Variants in LRFN3 observed in about 807,000 individuals in gnomAD.
The protein encoded by LRFN3 is leucine-rich repeat and fibronectin type-III domain-containing protein 3.
A neutral mutation model predicts 23.8 loss-of-function variants in LRFN3; 8 were observed. The ratio of observed to expected loss-of-function variants is 0.34; its 90% CI spans 0.20 to 0.61. LRFN3 has a LOEUF of 0.61. LRFN3 is among the 20% of genes least tolerant of loss of function. The probability of loss-of-function intolerance (pLI) is 0.80; values close to 1 mark genes in which losing one functional copy is unlikely to be tolerated. For synonymous variants in LRFN3, 451 were observed against 450.6 expected, an observed-to-expected ratio of 1.00 and a Z score of -0.01; for missense variants, 736 against 935.3, an observed-to-expected ratio of 0.79 and a Z score of 2.78.
chr19:35,944,086 A>G lies in LRFN3; in HGVS notation c.1416-462A>G, dbSNP rs1976150146. ...ACACCTGTAGTTCCTGCTACTCAGG[A>G]GGCTGAGGCCGGAGGATGGCTTGAG... On this transcript the variant is annotated intron_variant, in intron 2 of 2. Transcript: ENST00000246529. This position sits in a 1 kb window ranked among gnomAD's most constrained non-coding sequence, Gnocchi z 4.5. Among the ~76,000 whole-genome samples the G allele has an allele frequency of 6.6e-6, 1 of 152,226 alleles. No individual in the cohort carries two copies. The highest frequency in any genetic ancestry group is 2.4e-5 in the African/African-American group (1 of 41,458).
At position 35,944,318 on chromosome 19, in the gene LRFN3, G is replaced by T. The variant is rs1269450987; in HGVS notation, c.1416-230G>T. ...CAGCAGGCTATGAGGACGTGTGAGA[G>T]GGTGGGCTAGAGTGAAATTGGCCAA... On this transcript the variant is annotated intron_variant, in intron 2 of 2. Transcript: ENST00000246529. The surrounding 1 kb of genome is among the most constrained non-coding windows in gnomAD (Gnocchi z 4.5). Among the ~76,000 whole-genome samples the T allele has an allele frequency of 6.6e-6, 1 of 152,220 alleles. No homozygotes were observed. The highest frequency in any genetic ancestry group is 1.5e-5 in the Non-Finnish European group (1 of 68,038).
chr19:35,938,328 CTT>C (rs1976079334), intron 1 of LRFN3, among the ~76,000 whole-genome samples: 1 of 151,754 alleles, frequency 6.6e-6, no homozygotes, highest in Non-Finnish European at 1.5e-5. Context: ...CTGGCCACCT[CTT>C]CTCTCTCTCT....
chr19:35,944,514 C>G lies in LRFN3; in HGVS notation c.1416-34C>G, dbSNP rs779442887. ...GAAGCACAGGTTGGGGGCTGGGCAG[C>G]CTGAGACCTGACCCCCACCTGCCTG... On this transcript the variant is annotated intron_variant, in intron 2 of 2. Transcript: ENST00000246529. The surrounding 1 kb of genome is among the most constrained non-coding windows in gnomAD (Gnocchi z 4.5). 7.2e-7 allele frequency: 1 copy of G among 1,383,456 alleles called. No individual in the cohort carries two copies. Among genetic ancestry groups the G allele is most frequent in the East Asian group, 2.8e-5 (1 of 35,494 alleles). The allele number at this position is 1,383,456 out of a possible 1,614,324, so 85.7% of individuals were successfully genotyped here.
Position 35,944,495 on chromosome 19 carries a change from C to T in LRFN3, c.1416-53C>T. ...CGCAGGGAGTTTGGTGGGGGAAGCA[C>T]AGGTTGGGGGCTGGGCAGCCTGAGA... On this transcript the variant is annotated intron_variant, in intron 2 of 2. Transcript: ENST00000246529. The surrounding 1 kb of genome is among the most constrained non-coding windows in gnomAD (Gnocchi z 4.5). The T allele has an allele frequency of 7.7e-7, 1 of 1,293,406 alleles. No individual in the cohort carries two copies. Among genetic ancestry groups the T allele is most frequent in the Non-Finnish European group, 1.0e-6 (1 of 992,594 alleles). The allele number at this position is 1,293,406 out of a possible 1,614,324, so 80.1% of individuals were successfully genotyped here. A position where few individuals can be genotyped will look rare whatever the true frequency, so the allele number is the denominator to read the frequency against.
At position 35,940,361 on chromosome 19, in the gene LRFN3, G is replaced by A. The variant is rs779185530; in HGVS notation, c.936G>A (p.Pro312=). 42 of 1,571,012 alleles carry A rather than the reference G, an allele frequency of 2.7e-5. No individual in the cohort carries two copies. The highest frequency in any genetic ancestry group is 7.0e-5 in the South Asian group (6 of 86,298). The stretch of plus-strand genomic sequence containing the variant: ...CTCTGGCTGTGCCCGCAGGTCGGCC[G>A]GCTGCCCTGCGCTGCCGGGCAGTGG... ...SPPLAVPAGR[P]AALRCRAVGD... Residue 312 remains proline (P), a synonymous_variant, in exon 2 of 3, where the codon CCG becomes CCA. Transcript: ENST00000246529.
chr19:35,938,675 C>T (rs909482562), intron 1 of LRFN3, among the ~76,000 whole-genome samples: 2 of 152,228 alleles, frequency 1.3e-5, no homozygotes, highest in Admixed American at 6.5e-5. Flanking sequence ...TCTCTGACCA[C>T]CTTGCTGGCT....
In LRFN3 at chr19:35,946,427, C is replaced by A. The variant is rs1213744535; in HGVS notation, c.*1408C>A. Among the ~76,000 whole-genome samples, 1 of 151,860 alleles carries A rather than the reference C, an allele frequency of 6.6e-6. No homozygotes were observed. The highest frequency in any genetic ancestry group is 1.5e-5 in the Non-Finnish European group (1 of 67,986). ...TCAAGTGATCCTCCCGTCTCAGCCT[C>A]CTGAATTGCTGGGATTACAGGCATG... On this transcript the variant is annotated 3_prime_UTR_variant, in exon 3 of 3. Coordinates refer to ENST00000246529, the MANE Select transcript of LRFN3 (RefSeq NM_024509.2).
At chr19:35,943,867 A>G (rs967092847) in intron 2 of LRFN3, among the ~76,000 whole-genome samples, 3 of 152,040 alleles carry the variant, frequency 2.0e-5, no homozygotes, top group African/African-American at 7.2e-5. Flanking sequence ...GGGCAGTGCA[A>G]AAGGGAAATT....
chr19:35,942,802 G>A (rs1224801291), intron 2 of LRFN3, among the ~76,000 whole-genome samples: 1 of 152,176 alleles, frequency 6.6e-6, no homozygotes, highest in Admixed American at 6.5e-5. Context: ...GGCCGAGGCA[G>A]GTGGATCACC....
chr19:35,939,504 C>T lies in LRFN3; in HGVS notation c.79C>T (p.Pro27Ser), dbSNP rs1027061018. 2.5e-6 allele frequency: 4 copies of T among 1,606,302 alleles called. No homozygotes were observed. The African/African-American group carries it at 5.3e-5, about 21-fold the overall frequency. The change falls in exon 2 of 3, where the codon CCA becomes TCA. Residue 27 changes from proline to serine, a missense_variant. By Grantham distance (74) the Pro-to-Ser change is moderately conservative (BLOSUM62 -1). Coordinates refer to ENST00000246529, the MANE Select transcript of LRFN3 (RefSeq NM_024509.2). This position sits in a 1 kb window ranked among gnomAD's most constrained non-coding sequence, Gnocchi z 6.4. ...SSPPQSATPS[P>S]CPRRCRCQTQ... The stretch of plus-strand genomic sequence containing the variant: ...CCCACCCCAGTCAGCCACACCCAGC[C>T]CATGTCCCCGCCGCTGCCGCTGCCA...
Position 35,944,319 on chromosome 19 carries a change from G to C in LRFN3, c.1416-229G>C, listed in dbSNP as rs1175263528. Among the ~76,000 whole-genome samples the C allele has an allele frequency of 6.6e-6, 1 of 152,194 alleles. No homozygotes were observed. The highest frequency in any genetic ancestry group is 1.5e-5 in the Non-Finnish European group (1 of 68,016). On this transcript the variant is annotated intron_variant, in intron 2 of 2. Coordinates refer to ENST00000246529, the MANE Select transcript of LRFN3 (RefSeq NM_024509.2). This position sits in a 1 kb window ranked among gnomAD's most constrained non-coding sequence, Gnocchi z 4.5. ...AGCAGGCTATGAGGACGTGTGAGAG[G>C]GTGGGCTAGAGTGAAATTGGCCAAC...
chr19:35,939,830 C>T lies in LRFN3; in HGVS notation c.405C>T (p.His135=), dbSNP rs773344313. The T allele has an allele frequency of 1.2e-6, 2 of 1,602,410 alleles. No homozygotes were observed. The highest frequency in any genetic ancestry group is 1.1e-5 in the South Asian group (1 of 91,078). The part of the protein sequence containing the change: ...GQLRGLVNLR[H]LILSNNQLAA... ...TGCGCGGCCTGGTCAACTTGCGCCA[C>T]CTCATCCTCAGCAACAACCAGCTGG... Residue 135 remains histidine (H), a synonymous_variant, in exon 2 of 3, where the codon CAC becomes CAT. Coordinates refer to ENST00000246529, the MANE Select transcript of LRFN3 (RefSeq NM_024509.2). The surrounding 1 kb of genome is among the most constrained non-coding windows in gnomAD (Gnocchi z 6.4).
chr19:35,939,719 G>T lies in LRFN3; in HGVS notation c.294G>T (p.Val98=), dbSNP rs771709901. ...LSLSRNTIRH[V]AAGAFADLRA... ...TGTCGCGGAACACCATCCGCCACGTGGCTGCCGGCGCCTTCGCCGACCTGC... is the reference window on the plus strand; with the variant it reads ...TGTCGCGGAACACCATCCGCCACGTTGCTGCCGGCGCCTTCGCCGACCTGC... The change falls in exon 2 of 3, where the codon GTG becomes GTT. Residue 98 remains valine (V), a synonymous_variant. Coordinates refer to ENST00000246529, the MANE Select transcript of LRFN3 (RefSeq NM_024509.2). The surrounding 1 kb of genome is among the most constrained non-coding windows in gnomAD (Gnocchi z 6.4). The T allele has an allele frequency of 3.7e-6, 6 of 1,604,030 alleles. No individual in the cohort carries two copies. The South Asian group carries it at 6.6e-5, about 18-fold the overall frequency.
intron 1 of LRFN3, among the ~76,000 whole-genome samples, chr19:35,937,808 C>A (rs542041896): frequency 6.6e-6 from 1 of 152,186 alleles, no homozygotes; most frequent in Admixed American, 6.5e-5. Flanking sequence ...TACAGCCTTT[C>A]GCTGTCTATC....
chr19:35,939,933 C>G lies in LRFN3; in HGVS notation c.508C>G (p.Gln170Glu). 2 of 1,606,360 alleles carry G rather than the reference C, an allele frequency of 1.2e-6. No homozygotes were observed. The highest frequency in any genetic ancestry group is 1.7e-6 in the Non-Finnish European group (2 of 1,179,810). ...CGACCTCTCCTACAACAACCTCGAGCAGCTGCCCTGGGAGGCCCTGGGCCG... is the reference window on the plus strand; with the variant it reads ...CGACCTCTCCTACAACAACCTCGAGGAGCTGCCCTGGGAGGCCCTGGGCCG... ...DLDLSYNNLEQLPWEALGRLG... is the reference protein window; with the variant it reads ...DLDLSYNNLEELPWEALGRLG... The change falls in exon 2 of 3, where the codon CAG (glutamine) becomes GAG (glutamate). Residue 170 changes from glutamine (Q) to glutamate (E), a missense_variant. This residue lies in a region of LRFN3 where 446 missense variants were observed against 647.9 expected (regional missense o/e 0.69). Transcript: ENST00000246529. The surrounding 1 kb of genome is among the most constrained non-coding windows in gnomAD (Gnocchi z 6.4).
chr19:35,939,865 C>A lies in LRFN3; in HGVS notation c.440C>A (p.Ala147Glu), dbSNP rs754765219. Residue 147 changes from alanine to glutamate, a missense_variant, in exon 2 of 3, where the codon GCG becomes GAG. Ala to Glu is a moderately radical substitution (Grantham distance 107, BLOSUM62 -1). Transcript: ENST00000246529. The surrounding 1 kb of genome is among the most constrained non-coding windows in gnomAD (Gnocchi z 6.4). ...ILSNNQLAALAAGALDDCAET... is the reference protein window; with the variant it reads ...ILSNNQLAALEAGALDDCAET... ...AGCAACAACCAGCTGGCAGCGCTGG[C>A]GGCCGGCGCCCTGGATGATTGTGCC... 2 of 1,601,260 alleles carry A rather than the reference C, an allele frequency of 1.2e-6. No individual in the cohort carries two copies. Among genetic ancestry groups the A allele is most frequent in the Non-Finnish European group, 8.5e-7 (1 of 1,179,812 alleles).
Position 35,939,497 on chromosome 19 carries a change from A to T in LRFN3, c.72A>T (p.Thr24=). ...APASSPPQSA[T]PSPCPRRCRC... is the part of the protein sequence containing the mutation. The stretch of plus-strand genomic sequence containing the variant: ...CCTCATCCCCACCCCAGTCAGCCAC[A>T]CCCAGCCCATGTCCCCGCCGCTGCC... Residue 24 remains threonine (T), a synonymous_variant, in exon 2 of 3, where the codon ACA becomes ACT. Coordinates refer to ENST00000246529, the MANE Select transcript of LRFN3 (RefSeq NM_024509.2). The surrounding 1 kb of genome is among the most constrained non-coding windows in gnomAD (Gnocchi z 6.4). 6.2e-7 allele frequency: 1 copy of T among 1,603,788 alleles called. No homozygotes were observed.
chr19:35,943,028 CA>C (rs566002756), intron 2 of LRFN3, among the ~76,000 whole-genome samples: 2,406 of 85,648 alleles, frequency 0.028, 38 homozygotes, highest in African/African-American at 0.076. Context: ...GACTCCGTCT[CA>C]AAAAAAAAAA....
chr19:35,945,002 G>T lies in LRFN3; in HGVS notation c.1870G>T (p.Glu624Ter). Residue 624 changes from glutamate to a stop codon, truncating the protein, a stop_gained, in exon 3 of 3, where the codon GAA becomes TAA. Transcript: ENST00000246529. LOFTEE classifies it high-confidence loss of function. ...CTGCGAGCCCTGGGGGCCCGGCCAC[G>T]AACCTGTGGGACCCTAGCCAGGCGC... ...LDCEPWGPGH[E>*]PVGP is the part of the protein sequence containing the mutation. 7.2e-7 allele frequency: 1 copy of T among 1,391,340 alleles called. No homozygotes were observed. The highest frequency in any genetic ancestry group is 9.2e-7 in the Non-Finnish European group (1 of 1,083,656). 86.2% of individuals were successfully genotyped at this position (1,391,340 alleles called of 1,614,324 possible).
Sources: gnomAD v4.1 joint callset for allele counts (sites outside exome capture counted in the v4.1 genomes callset) on GRCh38, gnomAD v4.1.1 for gene constraint, gnomAD v4.1.1 regional missense constraint, Gnocchi (gnomAD v3.1) non-coding constraint, MANE v1.5 for transcripts, NCBI Gene and HGNC (gene_info 2026-07-23, HGNC 2026-07-21) for gene names.